AOPEP: variants seen among roughly 807,000 people sequenced by gnomAD.
AOPEP encodes aminopeptidase O (putative).
A neutral mutation model predicts 98.1 loss-of-function variants in AOPEP; 77 were observed. That is an observed-to-expected ratio of 0.78 (90% CI 0.65 to 0.95). AOPEP has a LOEUF of 0.95. AOPEP is among the 40% of genes least tolerant of loss of function. The probability of loss-of-function intolerance (pLI) is 0.00; values close to 1 mark genes in which losing one functional copy is unlikely to be tolerated. For missense variants in AOPEP, 1,024 were observed against 1,024.7 expected, an observed-to-expected ratio of 1.00 and a Z score of 0.01; for synonymous variants, 346 against 365.3, an observed-to-expected ratio of 0.95 and a Z score of 0.60.
At chr9:95,034,803 C>G (rs1202105848) in intron 13 of AOPEP, among the ~76,000 whole-genome samples, 1 of 152,196 alleles carries the variant, frequency 6.6e-6, no homozygotes, top group African/African-American at 2.4e-5. Flanking sequence ...TGATACAGAT[C>G]TCTCAGAAGA....
chr9:94,758,408 A>G (rs1322980425), intron 1 of AOPEP, among the ~76,000 whole-genome samples: 1 of 152,188 alleles, frequency 6.6e-6, no homozygotes, highest in Non-Finnish European at 1.5e-5. Context: ...TTGAAGAGGA[A>G]ATAGTCTGTG....
intron 10 of AOPEP, among the ~76,000 whole-genome samples, chr9:94,968,604 T>A (rs772301909): frequency 9.2e-5 from 14 of 152,210 alleles, no homozygotes; most frequent in Middle Eastern, 3.2e-3. Flanking sequence ...CTCAAACTCC[T>A]GACCTCAAGT....
rs1024484465 is a variant in AOPEP, at chr9:95,082,625, A to G, written c.2370A>G (p.Arg790=). ...YGELMVSEDA[R]QQQLARRCFE... ...AGCTGATGGTGAGTGAGGACGCCAGACAGCAGCAGCTCGCCCGTAGGTGCT... is the reference window on the plus strand; with the variant it reads ...AGCTGATGGTGAGTGAGGACGCCAGGCAGCAGCAGCTCGCCCGTAGGTGCT... The change falls in exon 16 of 17, where the codon AGA becomes AGG. Residue 790 remains arginine, a synonymous_variant. Coordinates refer to ENST00000375315, the MANE Select transcript of AOPEP (RefSeq NM_001193329.3). The G allele has an allele frequency of 6.2e-7, 1 of 1,614,234 alleles. No individual in the cohort carries two copies. Among genetic ancestry groups the G allele is most frequent in the Non-Finnish European group, 8.5e-7 (1 of 1,180,052 alleles).
At chr9:94,738,581 TA>T (rs1473232333) in intron 1 of AOPEP, among the ~76,000 whole-genome samples, 1 of 152,026 alleles carries the variant, frequency 6.6e-6, no homozygotes, top group African/African-American at 2.4e-5. Flanking sequence ...TTATTATTAT[TA>T]TTTTTTTTTG....
chr9:94,807,469 C>T (rs771535423), intron 5 of AOPEP, among the ~76,000 whole-genome samples: 4 of 152,166 alleles, frequency 2.6e-5, no homozygotes, highest in Admixed American at 6.5e-5. Flanking sequence ...CCTCTACCTG[C>T]GTTTGTAATC....
chr9:95,081,321 G>C (rs1452159428), intron 15 of AOPEP, among the ~76,000 whole-genome samples: 3 of 152,188 alleles, frequency 2.0e-5, no homozygotes, highest in Non-Finnish European at 4.4e-5. Flanking sequence ...TTCATTGGCC[G>C]CCTCTGATGT....
intron 5 of AOPEP, among the ~76,000 whole-genome samples, chr9:94,848,777 G>A (rs941273000): frequency 6.6e-6 from 1 of 152,142 alleles, no homozygotes; most frequent in Non-Finnish European, 1.5e-5. Flanking sequence ...TTATAGTGAA[G>A]TCTAAACATT....
chr9:94,862,857 T>C (rs1226272638), intron 5 of AOPEP, among the ~76,000 whole-genome samples: 2 of 152,210 alleles, frequency 1.3e-5, no homozygotes, highest in Admixed American at 6.5e-5. Context: ...CTTGGACTTC[T>C]TTATATTCTC....
rs974551445 is a variant in AOPEP, at chr9:94,934,315, C to CTTTTTTTTTTTTTTTTT, written c.1661+5787_1661+5803dup. Among the ~76,000 whole-genome samples the CTTTTTTTTTTTTTTTTT allele has an allele frequency of 4.4e-4, 51 of 116,730 alleles. 5 individuals carry two copies. Among genetic ancestry groups the CTTTTTTTTTTTTTTTTT allele is most frequent in the African/African-American group, 1.9e-3 (49 of 25,204 alleles). The allele number at this position is 116,730 out of a possible 152,430, so 76.6% of individuals were successfully genotyped here. A position where few individuals can be genotyped will look rare whatever the true frequency, so the allele number is the denominator to read the frequency against. On this transcript the variant is annotated intron_variant, in intron 7 of 16. Transcript: ENST00000375315. ...CTGACTATGCTCACACTTCTCCCAT[C>CTTTTTTTTTTTTTTTTT]TTTTTTTTTTTTTTTTTTTGAGACA...
chr9:95,139,325 A>ACAGG, the AOPEP span, among the ~76,000 whole-genome samples: 8 of 152,260 alleles, frequency 5.3e-5, no homozygotes, highest in South Asian at 1.7e-3. Flanking sequence ...GCGTCTCCTC[A>ACAGG]CAGGCAGGCA....
At chr9:94,959,021 A>T (rs780752893) in intron 9 of AOPEP, among the ~76,000 whole-genome samples, 19 of 151,600 alleles carry the variant, frequency 1.3e-4, no homozygotes, top group Non-Finnish European at 2.4e-4. Flanking sequence ...TCTTATATTT[A>T]GTCCTCTAAT....
intron 11 of AOPEP, among the ~76,000 whole-genome samples, chr9:94,990,082 GT>G (rs1297442584): frequency 6.6e-6 from 1 of 152,210 alleles, no homozygotes. Context: ...CCACCCCAGA[GT>G]TTGAGACCTG....
Position 95,005,554 on chromosome 9 carries a change from A to G in AOPEP, c.2053A>G (p.Ile685Val). The G allele has an allele frequency of 1.2e-6, 2 of 1,613,848 alleles. No individual in the cohort carries two copies. Among genetic ancestry groups the G allele is most frequent in the South Asian group, 1.1e-5 (1 of 91,070 alleles). Residue 685 changes from isoleucine to valine, a missense_variant, in exon 13 of 17, where the codon ATT (isoleucine) becomes GTT (valine). By Grantham distance (29) the Ile-to-Val change is conservative. Around this residue, in one of 3 missense-constraint regions of AOPEP, gnomAD observed 566 missense variants for 551.7 expected, o/e 1.03. Coordinates refer to ENST00000375315, the MANE Select transcript of AOPEP (RefSeq NM_001193329.3). ...TTTTGAACCTCAGGTCACGAAATGG[A>G]TTGGAGTGAACCGGAGACCCCGAAA... The part of the protein sequence containing the change: ...RQVRAEVTKW[I>V]GVNRRPRKRK...
intron 1 of AOPEP, among the ~76,000 whole-genome samples, chr9:94,740,183 C>A (rs1442716301): frequency 6.6e-6 from 1 of 152,026 alleles, no homozygotes. Context: ...GCAGGCTGAG[C>A]AGATGAAGGA....
At chr9:94,885,145 T>G (rs1226973482) in intron 5 of AOPEP, among the ~76,000 whole-genome samples, 1 of 151,616 alleles carries the variant, frequency 6.6e-6, no homozygotes. Flanking sequence ...ACCCAGGACT[T>G]ATAGACTAGC....
At chr9:94,899,610 C>G (rs1260243770) in intron 5 of AOPEP, among the ~76,000 whole-genome samples, 1 of 151,480 alleles carries the variant, frequency 6.6e-6, no homozygotes, top group African/African-American at 2.4e-5. Flanking sequence ...ATTAGCCAGA[C>G]GTGGCGGTGT....
Position 94,739,857 on chromosome 9 carries a change from G to A in AOPEP, c.-136+13106G>A, listed in dbSNP as rs987482397. 3.9e-5 allele frequency among the ~76,000 whole-genome samples: 6 copies of A among 152,044 alleles called. No homozygotes were observed. In the East Asian group the frequency reaches 1.2e-3, roughly 29 times the overall value. On this transcript the variant is annotated intron_variant, in intron 1 of 16. Transcript: ENST00000375315. Reference sequence around the variant, plus strand: ...CCACTAGTGGAGACTGAGGAAATCAGGAAAGAACCACGAGAGCCCTCCCCA... The same window carrying A: ...CCACTAGTGGAGACTGAGGAAATCAAGAAAGAACCACGAGAGCCCTCCCCA...
intron 2 of AOPEP, among the ~76,000 whole-genome samples, chr9:94,766,169 C>T (rs1839557410): frequency 6.6e-6 from 1 of 152,164 alleles, no homozygotes; most frequent in South Asian, 2.1e-4. Flanking sequence ...AACCTTTATT[C>T]AAAGTTGATG....
At chr9:94,967,498 A>G (rs1361063470) in intron 9 of AOPEP, among the ~76,000 whole-genome samples, 1 of 152,224 alleles carries the variant, frequency 6.6e-6, no homozygotes, top group Non-Finnish European at 1.5e-5. Flanking sequence ...AAAACAAAAT[A>G]GACTGTTGGA....
Sources: gnomAD v4.1 joint callset for allele counts (sites outside exome capture counted in the v4.1 genomes callset) on GRCh38, gnomAD v4.1.1 for gene constraint, gnomAD v4.1.1 regional missense constraint, MANE v1.5 for transcripts, NCBI Gene and HGNC (gene_info 2026-07-23, HGNC 2026-07-21) for gene names.